Variants in MGAM observed in about 807,000 individuals in gnomAD.
The protein encoded by MGAM is alpha-1,4-glucosidase.
In MGAM, 253 loss-of-function variants were observed where a neutral mutation model predicts 358.8. The ratio of observed to expected loss-of-function variants is 0.71; its 90% CI spans 0.64 to 0.78. MGAM has a LOEUF of 0.78. Among genes scored for constraint, MGAM ranks in the 30% least tolerant of loss-of-function variants. MGAM has a pLI of 0.00. For missense variants in MGAM, 3,080 were observed against 3,432.6 expected, an observed-to-expected ratio of 0.90 and a Z score of 2.57; for synonymous variants, 1,105 against 1,227.1, an observed-to-expected ratio of 0.90 and a Z score of 2.08.
chr7:142,038,855 A>G (rs1808249120), intron 19 of MGAM, among the ~76,000 whole-genome samples: 1 of 152,152 alleles, frequency 6.6e-6, no homozygotes, highest in African/African-American at 2.4e-5. Context: ...TGGAAACTCT[A>G]GAGTTACAAG....
intron 13 of MGAM, 137 bp downstream of exon 13, chr7:142,031,930 T>C (rs1213403622): frequency 1.9e-6 from 1 of 539,898 alleles, no homozygotes; most frequent in East Asian, 3.0e-5. Context: ...CAATATTCAC[T>C]CTCTTACTAT....
At position 142,027,233 on chromosome 7, in the gene MGAM, C is replaced by T. The variant is rs1490276860; in HGVS notation, c.1095+6C>T. The T allele has an allele frequency of 2.5e-6, 4 of 1,584,406 alleles. No individual in the cohort carries two copies. The highest frequency in any genetic ancestry group is 3.5e-6 in the Non-Finnish European group (4 of 1,153,620). ...TTGTTCAAGAATATCTAGAGGTAAACTTAGGATGTCAAGATTATGACTCAG... is the reference window on the plus strand; with the variant it reads ...TTGTTCAAGAATATCTAGAGGTAAATTTAGGATGTCAAGATTATGACTCAG... On this transcript the variant is annotated splice_donor_region_variant and intron_variant, in intron 9 of 70. Coordinates refer to ENST00000475668, the MANE Select transcript of MGAM (RefSeq NM_001365693.1).
chr7:142,027,510 T>C (rs1469416601), intron 9 of MGAM, 100 bp from the exon 10 acceptor site: 1 of 1,306,502 alleles, frequency 7.7e-7, no homozygotes, highest in African/African-American at 1.5e-5. Flanking sequence ...ATCAGTGCAT[T>C]GGGAAATGGA....
chr7:142,056,147 A>G, intron 29 of MGAM, 51 bp downstream of exon 29: 10 of 1,519,298 alleles, frequency 6.6e-6, no homozygotes, highest in Non-Finnish European at 8.9e-6. Flanking sequence ...ATCATGCCTG[A>G]GTCAATTTAC....
At chr7:142,060,560 G>C (rs1471735460) in intron 34 of MGAM, among the ~76,000 whole-genome samples, 187 bp downstream of exon 34, 1 of 152,236 alleles carries the variant, frequency 6.6e-6, no homozygotes, top group East Asian at 1.9e-4. Flanking sequence ...CTGGCCACTG[G>C]GATGTAGATA....
At position 142,065,340 on chromosome 7, in the gene MGAM, T is replaced by A; in HGVS notation, c.4490T>A (p.Val1497Glu). 4 of 1,608,870 alleles carry A rather than the reference T, an allele frequency of 2.5e-6. No individual in the cohort carries two copies. Among genetic ancestry groups the A allele is most frequent in the Non-Finnish European group, 3.4e-6 (4 of 1,178,058 alleles). Residue 1497 changes from valine to glutamate, a missense_variant, in exon 38 of 71, where the codon GTG becomes GAG. Physicochemically the swap from Val to Glu is moderately radical, Grantham distance 121 (BLOSUM62 -2). Around this residue, in one of 5 missense-constraint regions of MGAM, gnomAD observed 134 missense variants for 198.4 expected, o/e 0.68. Transcript: ENST00000475668. The stretch of plus-strand genomic sequence containing the variant: ...TCCTGTTCCCTTCCAAGCAGAGCCG[T>A]GCAGGAGGTGACGGGACAGCGAGGG... The part of the protein sequence containing the change: ...WSQTRPTYEA[V>E]QEVTGQRGVV...
chr7:142,009,035 C>T (rs1805395161), intron 3 of MGAM, among the ~76,000 whole-genome samples: 2 of 152,100 alleles, frequency 1.3e-5, no homozygotes, highest in African/African-American at 4.8e-5. Context: ...TTACTAAAAA[C>T]GTATTTGTCT....
chr7:142,064,335 A>G (rs1812513697), intron 36 of MGAM, 49 bp from the exon 37 acceptor site: 8 of 1,576,646 alleles, frequency 5.1e-6, no homozygotes, highest in Non-Finnish European at 6.0e-6. Flanking sequence ...GAAGTCAGGG[A>G]GAAACAGAAT....
At position 142,086,260 on chromosome 7, in the gene MGAM, T is replaced by A. The variant is rs755222518; in HGVS notation, c.6679T>A (p.Phe2227Ile). Residue 2227 changes from phenylalanine (F) to isoleucine (I), a missense_variant, in exon 56 of 71, where the codon TTC (phenylalanine) becomes ATC (isoleucine). Transcript: ENST00000475668. ...CAATGAGACACAGCCCTATCCTGCCTTCACTCGGGGCGTGGAGGATGACGT... is the reference window on the plus strand; with the variant it reads ...CAATGAGACACAGCCCTATCCTGCCATCACTCGGGGCGTGGAGGATGACGT... Reference protein sequence around the residue: ...SGNETQPYPAFTRGVEDDVFI... With the variant: ...SGNETQPYPAITRGVEDDVFI... The A allele has an allele frequency of 6.5e-7, 1 of 1,544,612 alleles. No homozygotes were observed. The highest frequency in any genetic ancestry group is 1.1e-5 in the South Asian group (1 of 87,342).
intron 66 of MGAM, among the ~76,000 whole-genome samples, chr7:142,099,181 C>T (rs889511733): frequency 5.3e-5 from 8 of 152,126 alleles, no homozygotes; most frequent in African/African-American, 1.9e-4. Context: ...GGAGGTGATG[C>T]GGCTGACATC....
intron 3 of MGAM, among the ~76,000 whole-genome samples, chr7:142,014,158 G>A (rs1033300958): frequency 2.0e-5 from 3 of 152,212 alleles, no homozygotes; most frequent in Admixed American, 2.0e-4. Context: ...TTTTCCAGGT[G>A]ATTCTGACAG....
chr7:142,041,232 A>C (rs941394534), intron 21 of MGAM, among the ~76,000 whole-genome samples: 2 of 152,106 alleles, frequency 1.3e-5, no homozygotes, highest in Non-Finnish European at 2.9e-5. Context: ...ATTTTCCTTT[A>C]TATGTAATTG....
At chr7:141,997,614 G>C (rs1011209873) in intron 1 of MGAM, among the ~76,000 whole-genome samples, 10 of 152,154 alleles carry the variant, frequency 6.6e-5, no homozygotes, top group African/African-American at 2.2e-4. Context: ...TGCACACCCT[G>C]TTGCTGGGCT....
intron 21 of MGAM, among the ~76,000 whole-genome samples, chr7:142,041,956 ATAAT>A (rs1309378788): frequency 3.8e-5 from 1 of 26,610 alleles, no homozygotes; most frequent in Non-Finnish European, 6.8e-5. Flanking sequence ...ATACATATAT[ATAAT>A]ATATATATAT....
chr7:142,067,362 A>C lies in MGAM; in HGVS notation c.4941A>C (p.Thr1647=). The C allele has an allele frequency of 6.5e-6, 10 of 1,548,798 alleles. 2 individuals are homozygous for C. The highest frequency in any genetic ancestry group is 8.9e-6 in the Non-Finnish European group (10 of 1,126,856). The change falls in exon 42 of 71, where the codon ACA becomes ACC. Residue 1647 remains threonine, a synonymous_variant. Coordinates refer to ENST00000475668, the MANE Select transcript of MGAM (RefSeq NM_001365693.1). ...LLHEFVSDQV[T]WDIDSQFLLG... ...CCAGGTTTGTGTCAGACCAGGTGACATGGGACATAGACAGTCAGTTCCTGC... is the reference window on the plus strand; with the variant it reads ...CCAGGTTTGTGTCAGACCAGGTGACCTGGGACATAGACAGTCAGTTCCTGC...
rs1256045666 is a variant in MGAM at position 142,088,831 on chromosome 7, AT to A, written c.6810+2115del. ...TATCCTATCTATGTACCATCTATCTATCTATCTATCTATCTATCTATCTATC... is the reference window on the plus strand; with the variant it reads ...TATCCTATCTATGTACCATCTATCTACTATCTATCTATCTATCTATCTATC... On this transcript the variant is annotated intron_variant, in intron 57 of 70. Transcript: ENST00000475668. Among the ~76,000 whole-genome samples, 25 of 99,452 alleles carry A rather than the reference AT, an allele frequency of 2.5e-4. 3 individuals carry two copies. The highest frequency in any genetic ancestry group is 1.8e-3 in the South Asian group (6 of 3,422). The allele number at this position is 99,452 out of a possible 152,430, so 65.2% of individuals were successfully genotyped here. A position where few individuals can be genotyped will look rare whatever the true frequency, so the allele number is the denominator to read the frequency against.
chr7:142,104,285 C>T (rs1051065530), intron 70 of MGAM, among the ~76,000 whole-genome samples: 1 of 152,104 alleles, frequency 6.6e-6, no homozygotes, highest in African/African-American at 2.4e-5. Context: ...GATTCTGCCT[C>T]AACGTAATTT....
At chr7:142,042,169 A>C (rs1435170044) in intron 21 of MGAM, among the ~76,000 whole-genome samples, 2 of 6,408 alleles carry the variant, frequency 3.1e-4, no homozygotes, top group Non-Finnish European at 2.3e-4. Context: ...CATATAATAT[A>C]TAATATATAA....
chr7:142,077,898 G>C (rs191555798), intron 47 of MGAM, among the ~76,000 whole-genome samples: 1 of 145,512 alleles, frequency 6.9e-6, no homozygotes, highest in South Asian at 2.2e-4. Context: ...CACGCCAATG[G>C]GGGATGCTGG....
Sources: gnomAD v4.1 joint callset for allele counts (sites outside exome capture counted in the v4.1 genomes callset) on GRCh38, gnomAD v4.1.1 for gene constraint, gnomAD v4.1.1 regional missense constraint, MANE v1.5 for transcripts, NCBI Gene and HGNC (gene_info 2026-07-23, HGNC 2026-07-21) for gene names.